Variants in MTMR3 observed in about 807,000 individuals in gnomAD.
MTMR3 encodes the protein myotubularin related protein 3.
MTMR3 carries 32 observed loss-of-function variants against 132.4 expected under a neutral mutation model. The ratio of observed to expected loss-of-function variants is 0.24; its 90% confidence interval spans 0.18 to 0.32. The LOEUF (loss-of-function observed/expected upper bound fraction) is 0.32. MTMR3 is among the 10% of genes least tolerant of loss of function. The pLI is 1.00. For missense variants in MTMR3, 1,216 were observed against 1,489.6 expected (o/e 0.82, Z 3.02); for synonymous variants, 556 against 550.3 (o/e 1.01, Z -0.14).
chr22:29,914,090 G>A (rs1048398427), intron 1 of MTMR3, among the ~76,000 whole-genome samples: 1 of 152,112 alleles, frequency 6.6e-6, no homozygotes, highest in African/African-American at 2.4e-5. Flanking sequence ...CTGAATATTT[G>A]CAACATAGAT....
chr22:29,909,664 C>T (rs1227262947), intron 1 of MTMR3, among the ~76,000 whole-genome samples: 2 of 152,174 alleles, frequency 1.3e-5, no homozygotes, highest in Admixed American at 6.5e-5. Flanking sequence ...GACTTCTCCC[C>T]TCCATTAATT....
intron 9 of MTMR3, 29 bp from the exon 10 acceptor site, chr22:30,007,085 A>G: frequency 6.2e-7 from 1 of 1,610,164 alleles, no homozygotes; most frequent in Non-Finnish European, 8.5e-7. Context: ...CTGAATGGGT[A>G]CAGTTGTTGT....
intron 1 of MTMR3, among the ~76,000 whole-genome samples, chr22:29,949,144 C>CACACACA (rs1491241499): frequency 1.2e-3 from 17 of 14,104 alleles, no homozygotes; most frequent in African/African-American, 3.6e-3. Flanking sequence ...CACACACACA[C>CACACACA]CCCCCCCCCC....
intron 14 of MTMR3, chr22:30,014,187 C>G (rs2067510326): frequency 6.6e-6 from 1 of 152,214 alleles, no homozygotes; most frequent in Non-Finnish European, 1.5e-5. Context: ...CTTGCTATCT[C>G]AAATTTCTCT....
chr22:29,957,260 A>T (rs1245094987), intron 2 of MTMR3, among the ~76,000 whole-genome samples, 172 bp downstream of exon 2: 4 of 144,630 alleles, frequency 2.8e-5, no homozygotes, highest in African/African-American at 7.8e-5. Flanking sequence ...CTTACATGTG[A>T]TTATTTTTTT....
At chr22:29,998,888 C>A (rs779212103) in intron 8 of MTMR3, 31 bp downstream of exon 8, 1 of 1,498,908 alleles carries the variant, frequency 6.7e-7, no homozygotes, top group African/African-American at 1.4e-5. Flanking sequence ...TGGACTGTTT[C>A]ACAGCCAGTG....
intron 1 of MTMR3, among the ~76,000 whole-genome samples, chr22:29,898,524 T>A (rs2064945633): frequency 6.6e-6 from 1 of 152,152 alleles, no homozygotes; most frequent in South Asian, 2.1e-4. Flanking sequence ...CAGCTTAGCC[T>A]CCTGGGTAGC....
At chr22:29,987,413 A>G (rs1416725262) in intron 5 of MTMR3, 1 of 152,170 alleles carries the variant, frequency 6.6e-6, no homozygotes, top group Non-Finnish European at 1.5e-5. Flanking sequence ...TCCTCTTTGC[A>G]TACTAAACAC....
At position 30,013,140 on chromosome 22, in the gene MTMR3, A is replaced by G. The variant is rs551935502; in HGVS notation, c.1318-216A>G. Reference sequence around the variant, plus strand: ...AAGAAAGGCTTAGATAAACGCAGTCAGTACCATTTTAGTGATCATGGAATG... The same window carrying G: ...AAGAAAGGCTTAGATAAACGCAGTCGGTACCATTTTAGTGATCATGGAATG... On this transcript the variant is annotated intron_variant, in intron 13 of 19. Coordinates refer to ENST00000401950, the MANE Select transcript of MTMR3 (RefSeq NM_021090.4). 9 of 403,448 alleles carry G rather than the reference A, an allele frequency of 2.2e-5. No homozygotes were observed. The East Asian group carries it at 2.8e-4, about 13-fold the overall frequency. The allele number at this position is 403,448 out of a possible 1,614,324, so 25.0% of individuals were successfully genotyped here.
intron 1 of MTMR3, among the ~76,000 whole-genome samples, chr22:29,913,266 A>G (rs1165509369): frequency 1.3e-5 from 2 of 152,126 alleles, no homozygotes; most frequent in Non-Finnish European, 1.5e-5. Flanking sequence ...ACAGAAACAA[A>G]GGGTCTTAGT....
intron 1 of MTMR3, among the ~76,000 whole-genome samples, chr22:29,917,742 CATT>C (rs2065336360): frequency 6.6e-6 from 1 of 152,174 alleles, no homozygotes; most frequent in Non-Finnish European, 1.5e-5. Context: ...CTATTGCCAT[CATT>C]GTTACTAGGT....
intron 1 of MTMR3, among the ~76,000 whole-genome samples, chr22:29,940,783 G>T (rs2065842752): frequency 6.7e-6 from 1 of 150,022 alleles, no homozygotes; most frequent in South Asian, 2.1e-4. Context: ...GATCTCCTTG[G>T]AGGCTAATTA....
intron 14 of MTMR3, 131 bp downstream of exon 14, chr22:30,013,672 CTTT>C (rs368821367): frequency 1.3e-6 from 1 of 749,970 alleles, no homozygotes; most frequent in Non-Finnish European, 1.9e-6. Flanking sequence ...CCTGTTTCTG[CTTT>C]TTTTTTTAGT....
At chr22:29,935,715 T>C (rs1256713293) in intron 1 of MTMR3, among the ~76,000 whole-genome samples, 2 of 151,782 alleles carry the variant, frequency 1.3e-5, no homozygotes, top group African/African-American at 2.4e-5. Flanking sequence ...TACTGTCTGA[T>C]TGAATGATCT....
chr22:29,898,654 A>T (rs1010394042), intron 1 of MTMR3, among the ~76,000 whole-genome samples: 4 of 152,040 alleles, frequency 2.6e-5, no homozygotes, highest in African/African-American at 7.2e-5. Flanking sequence ...CACCCACCTC[A>T]GCCTCCCAAA....
intron 2 of MTMR3, among the ~76,000 whole-genome samples, chr22:29,966,985 T>A (rs2066434074): frequency 6.6e-6 from 1 of 152,168 alleles, no homozygotes; most frequent in Non-Finnish European, 1.5e-5. Context: ...TGTTTCAGAA[T>A]CAAATTGTAC....
rs188388912 is a variant in MTMR3 at position 29,946,257 on chromosome 22, G to A, written c.-137-10779G>A. Reference sequence around the variant, plus strand: ...CTGTGATTCCCAAAGGAGTATTAAGGAGCTGTGGTGGGGAGAAGAGAGAGG... The same window carrying A: ...CTGTGATTCCCAAAGGAGTATTAAGAAGCTGTGGTGGGGAGAAGAGAGAGG... On this transcript the variant is annotated intron_variant, in intron 1 of 19. Transcript: ENST00000401950. Among the ~76,000 whole-genome samples, 8 of 152,252 alleles carry A rather than the reference G, an allele frequency of 5.3e-5. No individual in the cohort carries two copies. The East Asian group carries it at 1.3e-3, about 26-fold the overall frequency.
chr22:29,890,825 AC>A (rs1223951762), intron 1 of MTMR3, among the ~76,000 whole-genome samples: 3 of 152,052 alleles, frequency 2.0e-5, no homozygotes, highest in African/African-American at 7.3e-5. Context: ...TGGTCTTCAA[AC>A]TTTTTGGTTG....
At chr22:29,950,878 C>T (rs965598962) in intron 1 of MTMR3, among the ~76,000 whole-genome samples, 4 of 137,408 alleles carry the variant, frequency 2.9e-5, no homozygotes, top group South Asian at 4.2e-4. Context: ...GTGGGCCGGG[C>T]GCAGTGGCTT....
Sources: gnomAD v4.1 joint callset for allele counts (sites outside exome capture counted in the v4.1 genomes callset) on GRCh38, gnomAD v4.1.1 for gene constraint, MANE v1.5 for transcripts, NCBI Gene and HGNC (gene_info 2026-07-23, HGNC 2026-07-21) for gene names.